The following XIRP2 variants were observed in gnomAD, a reference collection of about 807,000 sequenced individuals.
XIRP2 encodes xin actin binding repeat containing 2.
A neutral mutation model predicts 277.0 loss-of-function variants in XIRP2; 236 were observed. The observed-to-expected ratio is 0.85, with a 90% CI of 0.77 to 0.95. XIRP2 has a LOEUF of 0.95. Ranked by LOEUF, XIRP2 falls within the 40% of genes least tolerant of loss-of-function variation. The pLI is 0.00. For synonymous variants in XIRP2, 1,490 were observed against 1,416.5 expected (o/e 1.05, Z -1.17); for missense variants, 4,640 against 4,157.5 (o/e 1.12, Z -3.19).
At chr2:166,890,612 T>C (rs1417639532) in intron 1 of XIRP2, among the ~76,000 whole-genome samples, 1 of 152,208 alleles carries the variant, frequency 6.6e-6, no homozygotes, top group African/African-American at 2.4e-5. Context: ...AGATTCATAT[T>C]TGAAATTTCA....
intron 2 of XIRP2, among the ~76,000 whole-genome samples, chr2:167,101,553 G>A (rs911428273): frequency 1.3e-5 from 2 of 152,110 alleles, no homozygotes; most frequent in Non-Finnish European, 2.9e-5. Context: ...TCCCAGTTAT[G>A]AGTGAGAACA....
At chr2:166,930,137 T>C (rs957903714) in intron 2 of XIRP2, among the ~76,000 whole-genome samples, 9 of 152,168 alleles carry the variant, frequency 5.9e-5, no homozygotes, top group African/African-American at 1.9e-4. Flanking sequence ...GGGTGAGACA[T>C]TGGCAATATG....
chr2:166,922,771 G>T (rs1465077330), intron 2 of XIRP2, among the ~76,000 whole-genome samples: 4 of 149,498 alleles, frequency 2.7e-5, no homozygotes, highest in Admixed American at 2.7e-4. Flanking sequence ...AAAAAAAAAA[G>T]TAAGCAAACT....
At chr2:166,997,250 G>T (rs1687245627) in intron 2 of XIRP2, among the ~76,000 whole-genome samples, 1 of 151,800 alleles carries the variant, frequency 6.6e-6, no homozygotes, top group Non-Finnish European at 1.5e-5. Context: ...AACCCTATTT[G>T]TTTCATAACT....
rs765103674 is a variant in XIRP2, at chr2:167,052,881, AAAATGTCTCTGTT to A, written c.409-83023_409-83011del. On this transcript the variant is annotated intron_variant, in intron 2 of 10. Transcript: ENST00000409195. ...TTAGTCTTCTTAAAAGAACTGATAT[AAAATGTCTCTGTT>A]AAATTCAAGCTTATTGAGTTATATG... Among the ~76,000 whole-genome samples, 128 of 152,322 alleles carry A rather than the reference AAAATGTCTCTGTT, an allele frequency of 8.4e-4. 1 individual carries two copies. Among genetic ancestry groups the A allele is most frequent in the Middle Eastern group, 6.8e-3 (2 of 294 alleles).
intron 2 of XIRP2, among the ~76,000 whole-genome samples, chr2:166,930,703 A>C (rs1685312356): frequency 6.6e-6 from 1 of 152,184 alleles, no homozygotes; most frequent in African/African-American, 2.4e-5. Context: ...CCTAAATGTC[A>C]GTTTCTGTAT....
chr2:167,222,623 T>A (rs186632600), intron 5 of XIRP2, among the ~76,000 whole-genome samples: 1 of 152,184 alleles, frequency 6.6e-6, no homozygotes, highest in Admixed American at 6.5e-5. Flanking sequence ...AATGCTAGAA[T>A]GAAAAGGACA....
At chr2:166,899,742 T>A (rs1382750553) in intron 1 of XIRP2, among the ~76,000 whole-genome samples, 3 of 152,148 alleles carry the variant, frequency 2.0e-5, no homozygotes, top group Non-Finnish European at 4.4e-5. Flanking sequence ...GTCATTCACA[T>A]TGTTCTTTCT....
intron 3 of XIRP2, among the ~76,000 whole-genome samples, chr2:167,172,390 A>T (rs990112242): frequency 2.6e-5 from 4 of 152,188 alleles, no homozygotes; most frequent in Non-Finnish European, 5.9e-5. Flanking sequence ...TGTCATTGAT[A>T]ACCTCTTATC....
chr2:167,084,124 T>A (rs1198802524), intron 2 of XIRP2, among the ~76,000 whole-genome samples: 2 of 152,216 alleles, frequency 1.3e-5, no homozygotes, highest in Non-Finnish European at 2.9e-5. Flanking sequence ...CATCAATACC[T>A]AATTTATTGA....
intron 2 of XIRP2, among the ~76,000 whole-genome samples, chr2:167,099,590 C>T (rs572698430): frequency 2.0e-5 from 3 of 152,116 alleles, no homozygotes; most frequent in Non-Finnish European, 4.4e-5. Flanking sequence ...GGTGTCTGCC[C>T]AAACAGCTGC....
intron 2 of XIRP2, among the ~76,000 whole-genome samples, chr2:167,089,210 A>G (rs1690068851): frequency 6.6e-6 from 1 of 152,156 alleles, no homozygotes. Flanking sequence ...CCAGAGGAAG[A>G]AAAGCAACTA....
At chr2:166,972,373 G>C (rs1686602124) in intron 2 of XIRP2, among the ~76,000 whole-genome samples, 1 of 152,168 alleles carries the variant, frequency 6.6e-6, no homozygotes, top group Non-Finnish European at 1.5e-5. Flanking sequence ...ATCTTCATAA[G>C]TGTATGAATA....
At chr2:167,090,739 G>A (rs755157607) in intron 2 of XIRP2, among the ~76,000 whole-genome samples, 26 of 152,020 alleles carry the variant, frequency 1.7e-4, no homozygotes, top group Middle Eastern at 3.2e-3. Flanking sequence ...GGGTGTCCTG[G>A]CTTTATAACA....
At chr2:166,924,990 G>C (rs772366669) in intron 2 of XIRP2, among the ~76,000 whole-genome samples, 1 of 152,032 alleles carries the variant, frequency 6.6e-6, no homozygotes, top group Non-Finnish European at 1.5e-5. Flanking sequence ...AGTTTTCAGA[G>C]GGTAAGCTTT....
At chr2:167,156,153 G>T (rs571786168) in intron 3 of XIRP2, among the ~76,000 whole-genome samples, 6 of 151,796 alleles carry the variant, frequency 4.0e-5, no homozygotes, top group Admixed American at 6.6e-5. Flanking sequence ...AATCAATATC[G>T]TGAAAATGGC....
At position 167,228,771 on chromosome 2, in the gene XIRP2, T is replaced by C. The variant is rs191392107; in HGVS notation, c.858+10471T>C. ...TTCTTTCTACGATTCATTTTACTTATTTTCCAAAATAGGATTTGTAGGAAC... is the reference window on the plus strand; with the variant it reads ...TTCTTTCTACGATTCATTTTACTTACTTTCCAAAATAGGATTTGTAGGAAC... On this transcript the variant is annotated intron_variant, in intron 5 of 10. Transcript: ENST00000409195. Among the ~76,000 whole-genome samples the C allele has an allele frequency of 2.9e-3, 442 of 152,300 alleles. 1 individual carries two copies. Among genetic ancestry groups the C allele is most frequent in the Middle Eastern group, 0.01 (3 of 294 alleles).
intron 2 of XIRP2, among the ~76,000 whole-genome samples, chr2:167,028,703 T>C (rs1024812076): frequency 6.6e-6 from 1 of 151,592 alleles, no homozygotes; most frequent in Non-Finnish European, 1.5e-5. Context: ...AAACATGACA[T>C]CACCAAATGA....
At chr2:166,921,848 T>C (rs28731773) in intron 2 of XIRP2, among the ~76,000 whole-genome samples, 30,445 of 152,110 alleles carry the variant, frequency 0.2, 4,251 homozygotes, top group African/African-American at 0.39. Flanking sequence ...AGATCTTTGA[T>C]AACTTGATGT....
Sources: gnomAD v4.1 joint callset for allele counts (sites outside exome capture counted in the v4.1 genomes callset) on GRCh38, gnomAD v4.1.1 for gene constraint, MANE v1.5 for transcripts, NCBI Gene and HGNC (gene_info 2026-07-23, HGNC 2026-07-21) for gene names.